The following NFXL1 variants were observed in gnomAD, a reference collection of about 807,000 sequenced individuals.
NFXL1 encodes NF-X1-type zinc finger protein NFXL1.
A neutral mutation model predicts 123.3 loss-of-function variants in NFXL1; 66 were observed. The observed-to-expected ratio is 0.54, with a 90% CI of 0.44 to 0.66. The LOEUF (loss-of-function observed/expected upper bound fraction) is 0.66, where lower values mean the gene tolerates loss of function less well. Among genes scored for constraint, NFXL1 ranks in the 30% least tolerant of loss-of-function variants. NFXL1 has a pLI of 0.00. For synonymous variants in NFXL1, 346 were observed against 360.8 expected (o/e 0.96, Z 0.46); for missense variants, 944 against 1,125.6 (o/e 0.84, Z 2.31).
At chr4:47,891,353 C>G (rs1736760187) in intron 11 of NFXL1, among the ~76,000 whole-genome samples, 1 of 152,112 alleles carries the variant, frequency 6.6e-6, no homozygotes, top group African/African-American at 2.4e-5. Context: ...CTCAAGCGAT[C>G]TGCCTGCCTT....
Position 47,855,047 on chromosome 4 carries a change from TA to T in NFXL1, c.2421+11del. Reference sequence around the variant, plus strand: ...ATATAGAAAAGTATTTTCAATAACTTAAAATATTTACCTTTTTTATTCTTTT... The same window carrying T: ...ATATAGAAAAGTATTTTCAATAACTTAAATATTTACCTTTTTTATTCTTTT... On this transcript the variant is annotated intron_variant, in intron 20 of 22. Coordinates refer to ENST00000507489, the MANE Select transcript of NFXL1 (RefSeq NM_001278624.2). 1 of 1,191,492 alleles carries T rather than the reference TA, an allele frequency of 8.4e-7. No homozygotes were observed. Among genetic ancestry groups the T allele is most frequent in the Non-Finnish European group, 1.2e-6 (1 of 829,938 alleles). 73.8% of individuals were successfully genotyped at this position (1,191,492 alleles called of 1,614,324 possible).
chr4:47,855,065 T>C lies in NFXL1; in HGVS notation c.2415A>G (p.Ile805Met). Residue 805 changes from isoleucine to methionine, a missense_variant, in exon 20 of 23, where the codon ATA (isoleucine) becomes ATG (methionine). Ile to Met is a conservative substitution (Grantham distance 10). This residue lies in a region of NFXL1 where 301 missense variants were observed against 348.0 expected (regional missense o/e 0.86). Coordinates refer to ENST00000507489, the MANE Select transcript of NFXL1 (RefSeq NM_001278624.2). ...AATAACTTAAAATATTTACCTTTTTTATTCTTTTACAAGGACATCTAAGTT... is the reference window on the plus strand; with the variant it reads ...AATAACTTAAAATATTTACCTTTTTCATTCTTTTACAAGGACATCTAAGTT... ...KVKLRCPCKR[I>M]KKELQCNKVR... 7.2e-7 allele frequency: 1 copy of C among 1,390,076 alleles called. No homozygotes were observed. 86.1% of individuals were successfully genotyped at this position (1,390,076 alleles called of 1,614,324 possible).
rs1469177028 is a variant in NFXL1, at chr4:47,855,119, T to C, written c.2361A>G (p.Glu787=). The change falls in exon 20 of 23, where the codon GAA becomes GAG. Residue 787 remains glutamate (E), a synonymous_variant. Coordinates refer to ENST00000507489, the MANE Select transcript of NFXL1 (RefSeq NM_001278624.2). The stretch of plus-strand genomic sequence containing the variant: ...CCTTCTGGTTGCAGTTAAAGGGACA[T>C]TCACCAGGATGACACATCTCTTTGC... The part of the protein sequence containing the change: ...HRCKEMCHPG[E]CPFNCNQKVK... The C allele has an allele frequency of 6.3e-7, 1 of 1,591,512 alleles. No individual in the cohort carries two copies. Among genetic ancestry groups the C allele is most frequent in the African/African-American group, 1.4e-5 (1 of 73,942 alleles).
At position 47,877,164 on chromosome 4, in the gene NFXL1, A is replaced by C. The variant is rs147017712; in HGVS notation, c.2079+1361T>G. Reference sequence around the variant, plus strand: ...CTACTCTCCTGTTGCAGAATCATGGACAAATCACAGAGCTTCAGTTTCCCT... The same window carrying C: ...CTACTCTCCTGTTGCAGAATCATGGCCAAATCACAGAGCTTCAGTTTCCCT... On this transcript the variant is annotated intron_variant, in intron 17 of 22. Coordinates refer to ENST00000507489, the MANE Select transcript of NFXL1 (RefSeq NM_001278624.2). 4.3e-3 allele frequency: 2,018 copies of C among 473,864 alleles called. 12 individuals carry two copies. Among genetic ancestry groups the C allele is most frequent in the Non-Finnish European group, 6.6e-3 (1,601 of 242,690 alleles). 29.4% of individuals were successfully genotyped at this position (473,864 alleles called of 1,614,324 possible).
intron 18 of NFXL1, among the ~76,000 whole-genome samples, chr4:47,868,743 GACTT>G (rs1443679272): frequency 3.3e-5 from 5 of 152,090 alleles, no homozygotes; most frequent in Admixed American, 3.3e-4. Context: ...ATTGTTAAAG[GACTT>G]ACTTAACTTG....
intron 12 of NFXL1, among the ~76,000 whole-genome samples, chr4:47,889,125 T>C (rs549514698): frequency 2.6e-5 from 4 of 152,320 alleles, no homozygotes; most frequent in East Asian, 1.9e-4. Flanking sequence ...TTATCTTATA[T>C]AGATGTTAGA....
At chr4:47,883,182 T>C (rs947035666) in intron 15 of NFXL1, among the ~76,000 whole-genome samples, 11 of 152,006 alleles carry the variant, frequency 7.2e-5, no homozygotes, top group African/African-American at 2.7e-4. Context: ...AAAGAGAAGG[T>C]TGCAGTGAGC....
At chr4:47,869,926 A>T (rs1735326904) in intron 18 of NFXL1, among the ~76,000 whole-genome samples, 1 of 152,138 alleles carries the variant, frequency 6.6e-6, no homozygotes, top group Non-Finnish European at 1.5e-5. Context: ...ACTACTTTAC[A>T]AACTTTTAAA....
chr4:47,896,681 A>T, intron 9 of NFXL1, 34 bp from the exon 10 acceptor site: 8 of 1,469,370 alleles, frequency 5.4e-6, no homozygotes, highest in South Asian at 1.2e-5. Flanking sequence ...GTTAATAATG[A>T]GACATTATTA....
At chr4:47,894,087 G>A in intron 11 of NFXL1, 93 bp downstream of exon 11, 2 of 851,332 alleles carry the variant, frequency 2.3e-6, no homozygotes, top group Non-Finnish European at 3.5e-6. Flanking sequence ...CTGAACATTT[G>A]AGAAACAATT....
At chr4:47,861,564 A>G (rs183899707) in intron 19 of NFXL1, among the ~76,000 whole-genome samples, 101 of 152,342 alleles carry the variant, frequency 6.6e-4, no homozygotes, top group African/African-American at 2.4e-3. Context: ...CAGGTTACTA[A>G]GATTAAAAAT....
chr4:47,887,836 A>C (rs562885312), intron 12 of NFXL1, among the ~76,000 whole-genome samples: 4 of 152,326 alleles, frequency 2.6e-5, no homozygotes, highest in South Asian at 4.1e-4. Flanking sequence ...TATTATAATT[A>C]AAAGAGCTTC....
intron 17 of NFXL1, among the ~76,000 whole-genome samples, chr4:47,876,575 C>T (rs1206886431): frequency 6.6e-6 from 1 of 152,094 alleles, no homozygotes; most frequent in Non-Finnish European, 1.5e-5. Flanking sequence ...ATTACTGAGC[C>T]TTTACAGGCC....
intron 21 of NFXL1, among the ~76,000 whole-genome samples, chr4:47,851,596 G>A (rs529362405): frequency 1.6e-4 from 25 of 152,148 alleles, no homozygotes; most frequent in African/African-American, 6.0e-4. Context: ...TTGGGTTGAT[G>A]GAGGGGAAGA....
intron 18 of NFXL1, among the ~76,000 whole-genome samples, chr4:47,871,897 T>C (rs956410409): frequency 3.3e-5 from 5 of 152,168 alleles, no homozygotes; most frequent in African/African-American, 1.2e-4. Context: ...AATAAAGTAA[T>C]ATTCCCAAAT....
chr4:47,893,534 G>A (rs776564573), intron 11 of NFXL1, among the ~76,000 whole-genome samples: 22 of 152,068 alleles, frequency 1.4e-4, no homozygotes, highest in Admixed American at 2.0e-4. Context: ...CAAGCTAAAA[G>A]ATAGTAGAGC....
chr4:47,863,614 G>A (rs1363546394), intron 18 of NFXL1, among the ~76,000 whole-genome samples: 2 of 152,108 alleles, frequency 1.3e-5, no homozygotes, highest in Admixed American at 6.6e-5. Flanking sequence ...CTCAGGAGGC[G>A]GAGGTTGCAG....
Position 47,896,513 on chromosome 4 carries a change from G to C in NFXL1, c.1329+10C>G. 6.2e-7 allele frequency: 1 copy of C among 1,608,284 alleles called. No homozygotes were observed. The highest frequency in any genetic ancestry group is 8.5e-7 in the Non-Finnish European group (1 of 1,174,990). On this transcript the variant is annotated intron_variant, in intron 10 of 22. Transcript: ENST00000507489. Reference sequence around the variant, plus strand: ...GCTCTTAAAAGTAATTATTACAGGAGATGACTAACTTGTCTACATGTTTCA... The same window carrying C: ...GCTCTTAAAAGTAATTATTACAGGACATGACTAACTTGTCTACATGTTTCA...
At position 47,878,304 on chromosome 4, in the gene NFXL1, A is replaced by G. The variant is rs193097715; in HGVS notation, c.2079+221T>C. Among the ~76,000 whole-genome samples, 3 of 152,156 alleles carry G rather than the reference A, an allele frequency of 2.0e-5. No homozygotes were observed. In the East Asian group the frequency reaches 5.8e-4, roughly 29 times the overall value. On this transcript the variant is annotated intron_variant, in intron 17 of 22. Transcript: ENST00000507489. ...AGGTACAGTATGTAAAGGGTTCCAC[A>G]TTAAAAGGCACATTATTATGAGCTG...
Sources: allele counts gnomAD v4.1 joint callset (sites outside exome capture counted in the v4.1 genomes callset), GRCh38; gene constraint gnomAD v4.1.1; regional missense constraint gnomAD v4.1.1; transcripts MANE v1.5; gene names NCBI Gene and HGNC (gene_info 2026-07-23, HGNC 2026-07-21).